Variants in SLC25A48 observed in about 807,000 individuals in gnomAD.
The protein encoded by SLC25A48 is CTC-321K16.1.
Under a neutral mutation model 32.2 loss-of-function variants are expected in SLC25A48, and 29 were observed. The observed-to-expected ratio is 0.90, with a 90% CI of 0.67 to 1.23. The LOEUF (loss-of-function observed/expected upper bound fraction) is 1.23. SLC25A48 is among the 50% of genes most tolerant of loss of function. SLC25A48 has a pLI of 0.00. For missense variants in SLC25A48, 399 were observed against 422.7 expected (o/e 0.94, Z 0.49); for synonymous variants, 164 against 172.3 (o/e 0.95, Z 0.38).
intron 1 of SLC25A48, among the ~76,000 whole-genome samples, chr5:135,587,666 C>A (rs1459077596): frequency 2.6e-5 from 4 of 152,162 alleles, no homozygotes; most frequent in African/African-American, 9.7e-5. Context: ...ATGAAGAAAA[C>A]TTTTCAAGCA....
Position 135,742,592 on chromosome 5 carries a change from G to A in SLC25A48, c.-520-69931G>A, listed in dbSNP as rs940872789. The stretch of plus-strand genomic sequence containing the variant: ...TTTCTCTTTGATTTCCTCTATAGCT[G>A]CAAAGAAAGCCAAAGTTTAGGGGAT... On this transcript the variant is annotated intron_variant, in intron 3 of 10. Coordinates refer to the SLC25A48 transcript ENST00000646290. 3.9e-5 allele frequency: 40 copies of A among 1,016,724 alleles called. No homozygotes were observed. In the African/African-American group the frequency reaches 5.7e-4, roughly 14 times the overall value. The allele number at this position is 1,016,724 out of a possible 1,614,324, so 63.0% of individuals were successfully genotyped here.
intron 4 of SLC25A48, among the ~76,000 whole-genome samples, chr5:135,856,102 C>A (rs186962041): frequency 6.6e-6 from 1 of 152,128 alleles, no homozygotes; most frequent in African/African-American, 2.4e-5. Flanking sequence ...TGGTAGGAGA[C>A]GTATTTCAGT....
rs371409431 is a variant in SLC25A48 at position 135,882,619 on chromosome 5, C to T, written c.*7+2522C>T. On this transcript the variant is annotated intron_variant, in intron 7 of 7. Transcript: ENST00000681962. Reference sequence around the variant, plus strand: ...AACAACCAGGCATGGAGATATCCCCCAGCTTTTCCAAGTTCCATGCGGGAA... The same window carrying T: ...AACAACCAGGCATGGAGATATCCCCTAGCTTTTCCAAGTTCCATGCGGGAA... Among the ~76,000 whole-genome samples the T allele has an allele frequency of 1.3e-4, 20 of 152,240 alleles. 1 individual carries two copies. Among genetic ancestry groups the T allele is most frequent in the Admixed American group, 1.0e-3 (16 of 15,290 alleles).
chr5:135,851,844 C>T (rs556616342), intron 3 of SLC25A48, among the ~76,000 whole-genome samples: 1 of 152,218 alleles, frequency 6.6e-6, no homozygotes, highest in African/African-American at 2.4e-5. Flanking sequence ...TGGAAGGGAC[C>T]GAACCCGGCC....
intron 3 of SLC25A48, among the ~76,000 whole-genome samples, chr5:135,644,003 T>A (rs1752900910): frequency 1.3e-5 from 2 of 152,232 alleles, no homozygotes. Context: ...GCCAGAGGAC[T>A]GATCTCAGAG....
intron 3 of SLC25A48, among the ~76,000 whole-genome samples, chr5:135,678,032 C>T (rs994416396): frequency 1.4e-4 from 21 of 152,106 alleles, no homozygotes; most frequent in African/African-American, 3.4e-4. Context: ...TAGGGGTCAC[C>T]GGGCCTCCTG....
chr5:135,638,209 G>T (rs902571655), intron 3 of SLC25A48, among the ~76,000 whole-genome samples: 1 of 151,916 alleles, frequency 6.6e-6, no homozygotes, highest in Non-Finnish European at 1.5e-5. Flanking sequence ...ACTATGCTTT[G>T]GTATTGAAAT....
intron 3 of SLC25A48, among the ~76,000 whole-genome samples, chr5:135,793,179 A>G (rs1169130379): frequency 2.0e-5 from 3 of 151,240 alleles, no homozygotes; most frequent in Non-Finnish European, 4.4e-5. Flanking sequence ...TTCTCCTAAT[A>G]TTACACTGGG....
At chr5:135,727,161 T>C (rs1755108813) in intron 3 of SLC25A48, among the ~76,000 whole-genome samples, 1 of 146,968 alleles carries the variant, frequency 6.8e-6, no homozygotes, top group Non-Finnish European at 1.5e-5. Flanking sequence ...TTTTTTACTG[T>C]TTTTTACATA....
chr5:135,620,347 C>T (rs956337809), intron 1 of SLC25A48, among the ~76,000 whole-genome samples: 1 of 152,024 alleles, frequency 6.6e-6, no homozygotes, highest in African/African-American at 2.4e-5. Context: ...GGCAGACCTT[C>T]CTTCGGGCCA....
chr5:135,802,689 C>T (rs1375520498), intron 3 of SLC25A48, among the ~76,000 whole-genome samples: 1 of 151,348 alleles, frequency 6.6e-6, no homozygotes, highest in Non-Finnish European at 1.5e-5. Flanking sequence ...CCTAGTATCA[C>T]AGTGAGAATA....
intron 3 of SLC25A48, among the ~76,000 whole-genome samples, chr5:135,689,649 T>C (rs1336765698): frequency 6.6e-6 from 1 of 152,188 alleles, no homozygotes; most frequent in Non-Finnish European, 1.5e-5. Context: ...CTTAGAAACC[T>C]GAAGGTCCTA....
chr5:135,663,663 A>G (rs1753456291), intron 3 of SLC25A48, among the ~76,000 whole-genome samples: 2 of 152,256 alleles, frequency 1.3e-5, no homozygotes, highest in South Asian at 4.1e-4. Context: ...GTACACAAAA[A>G]TGAACACAGC....
upstream of SLC25A48, among the ~76,000 whole-genome samples, chr5:135,833,065 G>A (rs1300813704): frequency 6.6e-6 from 1 of 152,258 alleles, no homozygotes; most frequent in Admixed American, 6.5e-5. Context: ...TCATAGCCCT[G>A]TGGTCTGGGA....
intron 3 of SLC25A48, among the ~76,000 whole-genome samples, chr5:135,645,501 G>C (rs1253011895): frequency 6.6e-6 from 1 of 152,068 alleles, no homozygotes; most frequent in African/African-American, 2.4e-5. Flanking sequence ...CGCAAAGCCT[G>C]ACACATGTGT....
chr5:135,649,553 A>G (rs1184995695), intron 3 of SLC25A48: 1 of 152,398 alleles, frequency 6.6e-6, no homozygotes, highest in African/African-American at 2.4e-5. Context: ...CAGATGGGGT[A>G]GTCAGGGAAG....
intron 1 of SLC25A48, among the ~76,000 whole-genome samples, chr5:135,623,461 G>C (rs995845606): frequency 2.0e-5 from 3 of 152,300 alleles, no homozygotes; most frequent in Non-Finnish European, 4.4e-5. Context: ...GGGAAGGTTG[G>C]TCTCAGTCAG....
chr5:135,588,682 A>T (rs779221993), intron 1 of SLC25A48, among the ~76,000 whole-genome samples: 2 of 152,152 alleles, frequency 1.3e-5, no homozygotes, highest in African/African-American at 2.4e-5. Context: ...TCAGGTAGAG[A>T]GGGGTGAGTG....
At chr5:135,771,587 G>A (rs1756412043) in intron 3 of SLC25A48, among the ~76,000 whole-genome samples, 1 of 151,438 alleles carries the variant, frequency 6.6e-6, no homozygotes, top group Admixed American at 6.6e-5. Flanking sequence ...TAATATCTAG[G>A]GGGGAAGAGA....
Sources: allele counts gnomAD v4.1 joint callset (sites outside exome capture counted in the v4.1 genomes callset), GRCh38; gene constraint gnomAD v4.1.1; transcripts MANE v1.5; gene names NCBI Gene and HGNC (gene_info 2026-07-23, HGNC 2026-07-21).